The following MORN1 variants were observed in gnomAD, a reference collection of about 807,000 sequenced individuals.
MORN1 encodes MORN repeat-containing protein 1.
MORN1 carries 67 observed loss-of-function variants against 61.9 expected under a neutral mutation model. That is an observed-to-expected ratio of 1.08 (90% CI 0.89 to 1.33). The LOEUF is 1.33. Ranked by LOEUF, MORN1 falls within the 40% of genes most tolerant of loss-of-function variation. The pLI, the probability that MORN1 is intolerant of heterozygous loss-of-function variation, is 0.00. For synonymous variants in MORN1, 301 were observed against 292.0 expected, an observed-to-expected ratio of 1.03 and a Z score of -0.31; for missense variants, 752 against 691.2, an observed-to-expected ratio of 1.09 and a Z score of -0.99.
intron 10 of MORN1, among the ~76,000 whole-genome samples, chr1:2,338,725 G>A (rs892338925): frequency 5.9e-5 from 9 of 152,244 alleles, no homozygotes; most frequent in Admixed American, 2.6e-4. Context: ...TCCACATGGA[G>A]CCTGGAGGGT....
intron 8 of MORN1, among the ~76,000 whole-genome samples, chr1:2,359,936 C>G (rs931183676): frequency 2.0e-5 from 3 of 151,954 alleles, no homozygotes; most frequent in Non-Finnish European, 4.4e-5. Flanking sequence ...AGTCCGGTGC[C>G]CCAGAGTGGA....
rs529341445 is a variant in MORN1, at chr1:2,325,642, A to AT, written c.1251-1500dup. 6.8e-3 allele frequency among the ~76,000 whole-genome samples: 844 copies of AT among 124,988 alleles called. 9 individuals are homozygous for AT. The highest frequency in any genetic ancestry group is 0.017 in the Middle Eastern group (4 of 236). 82.0% of individuals were successfully genotyped at this position (124,988 alleles called of 152,430 possible). On this transcript the variant is annotated intron_variant, in intron 12 of 13. Transcript: ENST00000378531. The stretch of plus-strand genomic sequence containing the variant: ...GGATCACTGCACCTGGCCTTTGTTG[A>AT]TTTTTTTTTTTTTTTTTTTTTTAGC...
At chr1:2,359,089 C>T (rs947453555) in intron 8 of MORN1, among the ~76,000 whole-genome samples, 2 of 152,180 alleles carry the variant, frequency 1.3e-5, no homozygotes, top group Non-Finnish European at 2.9e-5. Context: ...TCCTTGCTGA[C>T]CAGCCTCAGG....
intron 9 of MORN1, 44 bp downstream of exon 9, chr1:2,358,548 C>G (rs1486692275): frequency 1.2e-6 from 2 of 1,612,302 alleles, no homozygotes; most frequent in South Asian, 2.2e-5. Context: ...TAAATGAACT[C>G]AAAACAAACT....
chr1:2,349,633 T>C (rs928729370), intron 10 of MORN1, among the ~76,000 whole-genome samples: 1 of 152,174 alleles, frequency 6.6e-6, no homozygotes, highest in Non-Finnish European at 1.5e-5. Flanking sequence ...TAATTAACCA[T>C]AGACAATTAA....
chr1:2,328,707 G>T (rs1296003001), intron 12 of MORN1, among the ~76,000 whole-genome samples: 1 of 152,168 alleles, frequency 6.6e-6, no homozygotes, highest in African/African-American at 2.4e-5. Flanking sequence ...CCCAAGAAAT[G>T]AGAGCCAGGG....
chr1:2,348,868 C>T (rs975108175), intron 10 of MORN1, among the ~76,000 whole-genome samples: 18 of 152,214 alleles, frequency 1.2e-4, no homozygotes, highest in African/African-American at 3.9e-4. Context: ...GTCATGTGCA[C>T]GCACACACAG....
At chr1:2,328,584 G>A (rs1204326685) in intron 12 of MORN1, among the ~76,000 whole-genome samples, 1 of 152,222 alleles carries the variant, frequency 6.6e-6, no homozygotes, top group East Asian at 1.9e-4. Context: ...TGTGCAGGAG[G>A]CACGCCCTGC....
At chr1:2,385,113 G>A (rs751065642) in intron 5 of MORN1, 48 bp from the exon 6 acceptor site, 3 of 1,537,912 alleles carry the variant, frequency 2.0e-6, no homozygotes, top group African/African-American at 2.7e-5. Context: ...GGAGCCGGGT[G>A]GTGGCAGTGA....
At chr1:2,323,552 G>A (rs1290719019) in intron 13 of MORN1, 12 of 985,212 alleles carry the variant, frequency 1.2e-5, no homozygotes, top group Admixed American at 6.2e-5. Flanking sequence ...GTGGGGGGGT[G>A]CCAGGCCCAG....
chr1:2,323,064 C>T (rs760654239), intron 13 of MORN1: 112 of 985,420 alleles, frequency 1.1e-4, no homozygotes, highest in East Asian at 5.7e-4. Context: ...CCTGGCCGAG[C>T]GGCTGCGCAC....
chr1:2,370,745 G>A (rs184258449), intron 8 of MORN1, among the ~76,000 whole-genome samples: 207 of 151,214 alleles, frequency 1.4e-3, no homozygotes, highest in Non-Finnish European at 2.1e-3. Context: ...GTGCAGTCAC[G>A]GGGCTCACTG....
At position 2,385,890 on chromosome 1, in the gene MORN1, C is replaced by T. The variant is rs772596544; in HGVS notation, c.366G>A (p.Gly122=). ...CTTGTCCATCCCGGTCCACCAGAAA[C>T]CCGTGTCCTGGAGAAGGGACCGAGA... ...EVSHGMREGH[G]FLVDRDGQVY... is the part of the protein sequence containing the mutation. Residue 122 remains glycine, a synonymous_variant, in exon 5 of 14, where the codon GGG becomes GGA. Transcript: ENST00000378531. The T allele has an allele frequency of 3.7e-6, 6 of 1,613,934 alleles. No individual in the cohort carries two copies. In the South Asian group the frequency reaches 6.6e-5, roughly 18 times the overall value.
At chr1:2,354,576 G>A (rs1044623452) in intron 10 of MORN1, among the ~76,000 whole-genome samples, 2 of 152,084 alleles carry the variant, frequency 1.3e-5, no homozygotes, top group Non-Finnish European at 2.9e-5. Context: ...CTACGGGAGT[G>A]CCCCTCCCTG....
At position 2,385,494 on chromosome 1, in the gene MORN1, C is replaced by G; in HGVS notation, c.449+313G>C. The G allele has an allele frequency of 8.6e-6, 3 of 349,944 alleles. No homozygotes were observed. The South Asian group carries it at 9.5e-5, about 11-fold the overall frequency. 21.7% of individuals were successfully genotyped at this position (349,944 alleles called of 1,614,324 possible). ...CCCCATCCTCATTTAGACCTGGAGA[C>G]GCTCCTGTGGTGCCACTTTGCCGCC... On this transcript the variant is annotated intron_variant, in intron 5 of 13. Transcript: ENST00000378531.
At chr1:2,324,187 C>T (rs534089374) in intron 12 of MORN1, 44 bp from the exon 13 acceptor site, 1 of 1,560,234 alleles carries the variant, frequency 6.4e-7, no homozygotes, top group Middle Eastern at 1.7e-4. Context: ...CCTGCCTGGG[C>T]CCCGACGACA....
chr1:2,325,209 TTTC>T (rs1433360629), intron 12 of MORN1, among the ~76,000 whole-genome samples: 96 of 78,502 alleles, frequency 1.2e-3, no homozygotes, highest in African/African-American at 4.2e-3. Flanking sequence ...CTTTTTTTTC[TTTC>T]TTCTTTTCTT....
At chr1:2,327,708 G>A (rs1641066807) in intron 12 of MORN1, among the ~76,000 whole-genome samples, 1 of 152,248 alleles carries the variant, frequency 6.6e-6, no homozygotes, top group Non-Finnish European at 1.5e-5. Flanking sequence ...GGGCCACGAG[G>A]AGGGGCAGGC....
intron 1 of MORN1, chr1:2,390,868 C>A (rs915227144): frequency 1.4e-5 from 7 of 493,114 alleles, no homozygotes; most frequent in Admixed American, 6.4e-5. Flanking sequence ...CCTGCCTCAG[C>A]CTCCCGAGTA....
Sources: allele counts gnomAD v4.1 joint callset (sites outside exome capture counted in the v4.1 genomes callset), GRCh38; gene constraint gnomAD v4.1.1; transcripts MANE v1.5; gene names NCBI Gene and HGNC (gene_info 2026-07-23, HGNC 2026-07-21).